Variants in SPATC1L observed in about 807,000 individuals in gnomAD.
SPATC1L encodes the protein speriolin-like protein.
Under a neutral mutation model 21.2 loss-of-function variants are expected in SPATC1L, and 20 were observed. That is an observed-to-expected ratio of 0.94 (90% CI 0.66 to 1.37). SPATC1L has a LOEUF of 1.37. Among genes scored for constraint, SPATC1L ranks in the 40% most tolerant of loss-of-function variants. The pLI is 0.00. For synonymous variants in SPATC1L, 290 were observed against 234.5 expected, an observed-to-expected ratio of 1.24 and a Z score of -2.16; for missense variants, 499 against 478.7, an observed-to-expected ratio of 1.04 and a Z score of -0.40.
chr21:46,172,384 A>C (rs1161418111), intron 2 of SPATC1L, among the ~76,000 whole-genome samples: 1 of 152,236 alleles, frequency 6.6e-6, no homozygotes, highest in Non-Finnish European at 1.5e-5. Flanking sequence ...GTCCCTGGCA[A>C]GAAGCTGAGA....
rs554119745 is a variant in SPATC1L at position 46,182,928 on chromosome 21, A to G, written c.-112T>C. 111 of 1,093,204 alleles carry G rather than the reference A, an allele frequency of 1.0e-4. 1 individual carries two copies. The South Asian group carries it at 1.7e-3, about 17-fold the overall frequency. 67.7% of individuals were successfully genotyped at this position (1,093,204 alleles called of 1,614,324 possible). ...CCAGGCACGGAGTTCCGTAGCCACC[A>G]CCGCCTTCCACGCCTTGTGATGTCA... On this transcript the variant is annotated 5_prime_UTR_variant, in exon 2 of 5. Transcript: ENST00000291672.
intron 3 of SPATC1L, among the ~76,000 whole-genome samples, chr21:46,166,003 G>A (rs777393087): frequency 5.3e-5 from 8 of 152,122 alleles, no homozygotes; most frequent in Non-Finnish European, 1.2e-4. Flanking sequence ...ATAAAGAGGA[G>A]GGAAGACCAC....
chr21:46,162,480 GTTC>G (rs1372501412), intron 3 of SPATC1L, among the ~76,000 whole-genome samples: 3 of 151,908 alleles, frequency 2.0e-5, no homozygotes, highest in Admixed American at 6.6e-5. Context: ...AAGGGGGAGA[GTTC>G]TTCTGTCTTG....
At chr21:46,179,347 A>G (rs2079655240) in intron 2 of SPATC1L, among the ~76,000 whole-genome samples, 1 of 152,184 alleles carries the variant, frequency 6.6e-6, no homozygotes, top group Non-Finnish European at 1.5e-5. Flanking sequence ...GGAGTTCAAG[A>G]CCAGCAACAT....
chr21:46,166,837 T>A (rs111597420), intron 3 of SPATC1L, among the ~76,000 whole-genome samples: 134 of 152,306 alleles, frequency 8.8e-4, no homozygotes, highest in Middle Eastern at 3.4e-3. Flanking sequence ...AACTGGAGAC[T>A]TCAATACGCA....
At chr21:46,169,604 C>A (rs1203478158) in intron 2 of SPATC1L, among the ~76,000 whole-genome samples, 1 of 111,116 alleles carries the variant, frequency 9.0e-6, no homozygotes, top group African/African-American at 4.2e-5. Flanking sequence ...GCTCTGTGAG[C>A]ATCCTCTGTG....
Position 46,161,682 on chromosome 21 carries a change from G to GCCGT in SPATC1L, c.716_719dup (p.Ser241ArgfsTer?). ...CGCGCAGCTTCCTCTCGTCCACGGA[G>GCCGT]CCGTCCAGAGACTTGGTGGAGGTCT... On this transcript the variant is annotated frameshift_variant, in exon 5 of 5. Coordinates refer to ENST00000291672, the MANE Select transcript of SPATC1L (RefSeq NM_001142854.2). LOFTEE classifies it low-confidence loss of function (END_TRUNC). The GCCGT allele has an allele frequency of 6.2e-7, 1 of 1,604,230 alleles. No homozygotes were observed.
In SPATC1L at chr21:46,168,337, T is replaced by C; in HGVS notation, c.515A>G (p.Asp172Gly). The change falls in exon 3 of 5, where the codon GAC (aspartate) becomes GGC (glycine). Residue 172 changes from aspartate to glycine, a missense_variant. Physicochemically the swap from Asp to Gly is moderately conservative, Grantham distance 94 (BLOSUM62 -1). Coordinates refer to ENST00000291672, the MANE Select transcript of SPATC1L (RefSeq NM_001142854.2). ...GAGGTAGTAGCTCCTCCTGGTCCTG[T>C]CCCCGGTGGGCAGGCTGCTCTCCGA... ...CFSESSLPTG[D>G]RTRRSYYLNE... 1 of 1,596,374 alleles carries C rather than the reference T, an allele frequency of 6.3e-7. No individual in the cohort carries two copies. The highest frequency in any genetic ancestry group is 8.6e-7 in the Non-Finnish European group (1 of 1,166,326).
rs766419736 is a variant in SPATC1L at position 46,161,527 on chromosome 21, C to T, written c.875G>A (p.Arg292His). ...CGGGCTGCTGTGCAGGGGGTTGGCG[C>T]GCAGGTCGGGCCGCTGCTTCAGGAT... ...YGILKQRPDLRANPLHSSPAA... is the reference protein window; with the variant it reads ...YGILKQRPDLHANPLHSSPAA... Residue 292 changes from arginine to histidine, a missense_variant, in exon 5 of 5, where the codon CGC becomes CAC. Physicochemically the swap from Arg to His is conservative, Grantham distance 29. Transcript: ENST00000291672. The T allele has an allele frequency of 1.9e-5, 31 of 1,610,340 alleles. No individual in the cohort carries two copies. The Admixed American group carries it at 3.8e-4, about 20-fold the overall frequency.
chr21:46,171,586 C>A (rs182047599), intron 2 of SPATC1L, among the ~76,000 whole-genome samples: 6 of 151,242 alleles, frequency 4.0e-5, no homozygotes, highest in African/African-American at 1.5e-4. Flanking sequence ...ACAGACCCCC[C>A]ACCCCAGACA....
chr21:46,170,366 C>CT, intron 2 of SPATC1L, among the ~76,000 whole-genome samples: 1 of 90,000 alleles, frequency 1.1e-5, no homozygotes, highest in Non-Finnish European at 2.3e-5. Context: ...GAGGAGCCTC[C>CT]TGCTCTGTGA....
At chr21:46,164,185 G>GGGGGGTTGGTAGAGAT (rs2079523730) in intron 3 of SPATC1L, among the ~76,000 whole-genome samples, 1 of 151,974 alleles carries the variant, frequency 6.6e-6, no homozygotes, top group South Asian at 2.1e-4. Context: ...CTTGGGTGGT[G>GGGGGGTTGGTAGAGAT]GGGGGTTGGT....
chr21:46,177,816 A>G (rs2079643076), intron 2 of SPATC1L, among the ~76,000 whole-genome samples: 1 of 152,252 alleles, frequency 6.6e-6, no homozygotes, highest in Non-Finnish European at 1.5e-5. Flanking sequence ...ACATGCACGC[A>G]TATGTTCACT....
In SPATC1L at chr21:46,171,124, C is replaced by T. The variant is rs548644395; in HGVS notation, c.194-2466G>A. ...CACACCAAGGGGGAGGGTCCATGCC[C>T]ACCAACACCTCCTGGCCCCACACCC... On this transcript the variant is annotated intron_variant, in intron 2 of 4. Transcript: ENST00000291672. 4.6e-5 allele frequency among the ~76,000 whole-genome samples: 7 copies of T among 152,354 alleles called. No homozygotes were observed. The East Asian group carries it at 1.2e-3, about 25-fold the overall frequency.
At chr21:46,178,433 A>G (rs927064664) in intron 2 of SPATC1L, among the ~76,000 whole-genome samples, 5 of 152,110 alleles carry the variant, frequency 3.3e-5, no homozygotes, top group African/African-American at 1.2e-4. Flanking sequence ...GACCTACCAG[A>G]TGGTGAAGGG....
chr21:46,163,998 A>T (rs1287803103), intron 3 of SPATC1L, among the ~76,000 whole-genome samples: 1 of 151,962 alleles, frequency 6.6e-6, no homozygotes, highest in African/African-American at 2.4e-5. Flanking sequence ...CTGTTTATTT[A>T]TTTATTGTTT....
At chr21:46,170,432 G>T (rs1169301964) in intron 2 of SPATC1L, among the ~76,000 whole-genome samples, 5 of 111,652 alleles carry the variant, frequency 4.5e-5, no homozygotes, top group Admixed American at 8.6e-5. Flanking sequence ...TCTGTGGATG[G>T]GGAGGAGCCT....
At chr21:46,164,057 G>C (rs2079522266) in intron 3 of SPATC1L, among the ~76,000 whole-genome samples, 1 of 152,108 alleles carries the variant, frequency 6.6e-6, no homozygotes, top group Non-Finnish European at 1.5e-5. Context: ...ACCCAAGCTG[G>C]AGTGCAGTGG....
In SPATC1L at chr21:46,161,266, T is replaced by TCG; in HGVS notation, c.*111_*112dup. On this transcript the variant is annotated 3_prime_UTR_variant, in exon 5 of 5. Coordinates refer to ENST00000291672, the MANE Select transcript of SPATC1L (RefSeq NM_001142854.2). ...GGTGGGAGCGGGGCCTTCTCTGGCC[T>TCG]CGCGCGCGGGGGACGCGGCCCTTTC... 1.9e-6 allele frequency: 2 copies of TCG among 1,077,928 alleles called. No homozygotes were observed. Among genetic ancestry groups the TCG allele is most frequent in the Non-Finnish European group, 2.5e-6 (2 of 796,302 alleles). The allele number at this position is 1,077,928 out of a possible 1,614,324, so 66.8% of individuals were successfully genotyped here. A position where few individuals can be genotyped will look rare whatever the true frequency, so the allele number is the denominator to read the frequency against.
Sources: gnomAD v4.1 joint callset for allele counts (sites outside exome capture counted in the v4.1 genomes callset) on GRCh38, gnomAD v4.1.1 for gene constraint, MANE v1.5 for transcripts, NCBI Gene and HGNC (gene_info 2026-07-23, HGNC 2026-07-21) for gene names.